The following CAPN13 variants were observed in gnomAD, a reference collection of about 807,000 sequenced individuals.
CAPN13 encodes the protein calpain-13.
CAPN13 carries 90 observed loss-of-function variants against 98.4 expected under a neutral mutation model. The ratio of observed to expected loss-of-function variants is 0.92; its 90% CI spans 0.77 to 1.09. CAPN13 has a LOEUF of 1.09. CAPN13 is among the 50% of genes least tolerant of loss of function. CAPN13 has a pLI of 0.00. For synonymous variants in CAPN13, 330 were observed against 305.5 expected (o/e 1.08, Z -0.84); for missense variants, 887 against 841.3 (o/e 1.05, Z -0.67).
intron 3 of CAPN13, 112 bp downstream of exon 3, chr2:30,777,455 G>C: frequency 1.1e-6 from 1 of 902,054 alleles, no homozygotes; most frequent in Non-Finnish European, 1.8e-6. Context: ...GTCCACGGCA[G>C]CACCAAGGGA....
At position 30,736,559 on chromosome 2, in the gene CAPN13, C is replaced by A; in HGVS notation, c.1666G>T (p.Gly556Trp). ...GCAAACTCCTCTTGGTCTAGCCGCC[C>A]ATTCACTTTCAGCTGGGTAAGGAGT... ...LVALMELKVN[G>W]RLDQEEFARL... Residue 556 changes from glycine (G) to tryptophan (W), a missense_variant, in exon 18 of 23, where the codon GGG (glycine) becomes TGG (tryptophan). Transcript: ENST00000295055. The A allele has an allele frequency of 6.2e-7, 1 of 1,614,004 alleles. No homozygotes were observed. Among genetic ancestry groups the A allele is most frequent in the Non-Finnish European group, 8.5e-7 (1 of 1,179,904 alleles).
intron 13 of CAPN13, 127 bp downstream of exon 13, chr2:30,743,255 GC>G (rs1162278444): frequency 3.5e-6 from 3 of 849,584 alleles, no homozygotes; most frequent in African/African-American, 1.7e-5. Context: ...CTAGAGTGGG[GC>G]CAATATCATG....
chr2:30,753,768 A>T (rs143192569), intron 9 of CAPN13, among the ~76,000 whole-genome samples: 2 of 152,008 alleles, frequency 1.3e-5, no homozygotes, highest in Non-Finnish European at 2.9e-5. Flanking sequence ...AAACCAGACA[A>T]CCCTCTGAGG....
chr2:30,791,556 C>T (rs1263106262), intron 1 of CAPN13, among the ~76,000 whole-genome samples: 1 of 152,224 alleles, frequency 6.6e-6, no homozygotes, highest in Non-Finnish European at 1.5e-5. Flanking sequence ...CAAAAAGCTC[C>T]AAGAAAGCCT....
At chr2:30,762,516 T>TG (rs1672898955) in intron 7 of CAPN13, among the ~76,000 whole-genome samples, 1 of 152,146 alleles carries the variant, frequency 6.6e-6, no homozygotes, top group South Asian at 2.1e-4. Context: ...TATGGACGTA[T>TG]GAGTGTCTCC....
intron 4 of CAPN13, among the ~76,000 whole-genome samples, chr2:30,771,027 C>T (rs962960130): frequency 6.6e-6 from 1 of 152,172 alleles, no homozygotes; most frequent in East Asian, 1.9e-4. Context: ...CCCTCTGGCC[C>T]CCCTCTTCTT....
intron 5 of CAPN13, among the ~76,000 whole-genome samples, chr2:30,765,528 C>T (rs1374606211): frequency 1.3e-5 from 2 of 152,232 alleles, no homozygotes; most frequent in Non-Finnish European, 2.9e-5. Context: ...TATCCTGCTG[C>T]TCCCTCCAAC....
chr2:30,760,152 G>A (rs953093400), intron 7 of CAPN13, among the ~76,000 whole-genome samples: 5 of 152,142 alleles, frequency 3.3e-5, no homozygotes, highest in African/African-American at 1.2e-4. Context: ...GCACGATCTC[G>A]GCTCACTGCA....
intron 2 of CAPN13, among the ~76,000 whole-genome samples, chr2:30,786,132 C>A (rs185024862): frequency 2.0e-4 from 30 of 152,308 alleles, no homozygotes; most frequent in Admixed American, 1.8e-3. Flanking sequence ...TAGAGGACCT[C>A]ATAGCCTCTT....
chr2:30,797,931 C>T (rs1674971469), intron 1 of CAPN13, among the ~76,000 whole-genome samples: 1 of 152,236 alleles, frequency 6.6e-6, no homozygotes, highest in Non-Finnish European at 1.5e-5. Flanking sequence ...TTACCCTGTC[C>T]TACACGATGG....
intron 1 of CAPN13, among the ~76,000 whole-genome samples, chr2:30,805,710 C>T (rs990643872): frequency 7.5e-5 from 11 of 147,434 alleles, no homozygotes; most frequent in South Asian, 4.4e-4. Context: ...AAGCACAATG[C>T]TTGATACGGA....
chr2:30,780,224 C>A (rs1673917037), intron 2 of CAPN13, among the ~76,000 whole-genome samples: 1 of 152,190 alleles, frequency 6.6e-6, no homozygotes, highest in African/African-American at 2.4e-5. Flanking sequence ...AGAGAATAGA[C>A]AATTCCAGTG....
intron 15 of CAPN13, among the ~76,000 whole-genome samples, chr2:30,738,665 ATGCTTGGCCCCTGG>A (rs1190285424): frequency 6.6e-6 from 1 of 152,140 alleles, no homozygotes; most frequent in Non-Finnish European, 1.5e-5. Flanking sequence ...GTCACTCCTG[ATGCTTGGCCCCTGG>A]TGTGGGTGAC....
intron 13 of CAPN13, 192 bp downstream of exon 13, chr2:30,743,191 T>A: frequency 1.6e-6 from 1 of 612,410 alleles, no homozygotes; most frequent in Non-Finnish European, 2.9e-6. Flanking sequence ...ATCCTGTTTG[T>A]GGTCTGGTTC....
At chr2:30,732,633 G>T in intron 19 of CAPN13, 67 bp from the exon 20 acceptor site, 2 of 1,547,170 alleles carry the variant, frequency 1.3e-6, no homozygotes, top group East Asian at 2.4e-5. Flanking sequence ...GCCTCTCAGG[G>T]TCTGAGACAC....
At chr2:30,800,162 AAG>A (rs1180938221) in intron 1 of CAPN13, among the ~76,000 whole-genome samples, 3 of 150,936 alleles carry the variant, frequency 2.0e-5, no homozygotes, top group African/African-American at 7.3e-5. Flanking sequence ...GAAAGAAAGA[AAG>A]AAAGAAAGAA....
At chr2:30,756,098 G>T (rs142056040) in intron 8 of CAPN13, among the ~76,000 whole-genome samples, 2 of 152,050 alleles carry the variant, frequency 1.3e-5, no homozygotes, top group East Asian at 1.9e-4. Flanking sequence ...AACAGAACAG[G>T]TTCTGCTAGA....
intron 3 of CAPN13, among the ~76,000 whole-genome samples, 190 bp downstream of exon 3, chr2:30,777,377 T>G (rs10179981): frequency 0.06 from 9,183 of 152,312 alleles, 379 homozygotes; most frequent in African/African-American, 0.12. Context: ...AGTGTATGTT[T>G]GCTTTCATTT....
In CAPN13 at chr2:30,751,136, A is replaced by G. The variant is rs1489112327; in HGVS notation, c.1203T>C (p.Asp401=). The G allele has an allele frequency of 1.2e-6, 2 of 1,613,878 alleles. No individual in the cohort carries two copies. The highest frequency in any genetic ancestry group is 2.2e-5 in the East Asian group (1 of 44,886). ...AVTPSNLKAE[D]AKFPLDFQVI... ...CTTGGAAATCGAGTGGAAATTTTGC[A>G]TCTTCTGCTTTCAAATTTGATGGTG... The change falls in exon 11 of 23, where the codon GAT becomes GAC. Residue 401 remains aspartate, a synonymous_variant. Coordinates refer to ENST00000295055, the MANE Select transcript of CAPN13 (RefSeq NM_144575.3).
Sources: gnomAD v4.1 joint callset for allele counts (sites outside exome capture counted in the v4.1 genomes callset) on GRCh38, gnomAD v4.1.1 for gene constraint, MANE v1.5 for transcripts, NCBI Gene and HGNC (gene_info 2026-07-23, HGNC 2026-07-21) for gene names.